The following ELOVL2 variants were observed in gnomAD, a reference collection of about 807,000 sequenced individuals.
The protein encoded by ELOVL2 is ELOVL fatty acid elongase 2.
In ELOVL2, 38 loss-of-function variants were observed where a neutral mutation model predicts 37.7. That is an observed-to-expected ratio of 1.01 (90% CI 0.78 to 1.32). The LOEUF (loss-of-function observed/expected upper bound fraction) is 1.32. Among genes scored for constraint, ELOVL2 ranks in the 40% most tolerant of loss-of-function variants. The pLI, the probability that ELOVL2 is intolerant of heterozygous loss-of-function variation, is 0.00. For synonymous variants in ELOVL2, 115 were observed against 122.3 expected (o/e 0.94, Z 0.40); for missense variants, 352 against 363.6 (o/e 0.97, Z 0.26).
chr6:11,043,471 C>CACACACACACACACA lies in ELOVL2; in HGVS notation c.3+742_3+756dup, dbSNP rs1554114358. The CACACACACACACACA allele has an allele frequency of 7.7e-4, 108 of 140,654 alleles. 2 individuals carry two copies. Among genetic ancestry groups the CACACACACACACACA allele is most frequent in the African/African-American group, 2.2e-3 (78 of 35,914 alleles). The allele number at this position is 140,654 out of a possible 1,614,324, so 8.7% of individuals were successfully genotyped here. On this transcript the variant is annotated intron_variant, in intron 1 of 7. Transcript: ENST00000354666. ...GCAGTTCATCGGACACGGGTGAACA[C>CACACACACACACACA]ACACACACACACACACAGCTTACTG...
chr6:10,983,647 C>A lies in ELOVL2; in HGVS notation c.*134G>T. On this transcript the variant is annotated 3_prime_UTR_variant, in exon 8 of 8. Coordinates refer to ENST00000354666, the MANE Select transcript of ELOVL2 (RefSeq NM_017770.4). ...TTAACCTAATAGCAATATATTAATA[C>A]ATTCTGGGTACAAATGATTTATGAA... The A allele has an allele frequency of 1.0e-6, 1 of 975,530 alleles. No individual in the cohort carries two copies. Among genetic ancestry groups the A allele is most frequent in the Non-Finnish European group, 1.5e-6 (1 of 682,710 alleles). The allele number at this position is 975,530 out of a possible 1,614,324, so 60.4% of individuals were successfully genotyped here. A position where few individuals can be genotyped will look rare whatever the true frequency, so the allele number is the denominator to read the frequency against.
In ELOVL2 at chr6:10,983,637, T is replaced by C. The variant is rs1282183317; in HGVS notation, c.*144A>G. 3 of 892,750 alleles carry C rather than the reference T, an allele frequency of 3.4e-6. No homozygotes were observed. Among genetic ancestry groups the C allele is most frequent in the African/African-American group, 3.4e-5 (2 of 58,582 alleles). 55.3% of individuals were successfully genotyped at this position (892,750 alleles called of 1,614,324 possible). On this transcript the variant is annotated 3_prime_UTR_variant, in exon 8 of 8. Transcript: ENST00000354666. ...AGTTAACAGATTAACCTAATAGCAA[T>C]ATATTAATACATTCTGGGTACAAAT... is the stretch of plus-strand genomic sequence containing the variant.
chr6:11,036,108 G>A (rs747094887), intron 1 of ELOVL2, among the ~76,000 whole-genome samples: 10 of 152,142 alleles, frequency 6.6e-5, no homozygotes, highest in African/African-American at 2.4e-4. Context: ...TGTCTTACAC[G>A]AAGCAAGTAC....
At chr6:10,986,018 T>C (rs1782045408) in intron 7 of ELOVL2, among the ~76,000 whole-genome samples, 1 of 152,218 alleles carries the variant, frequency 6.6e-6, no homozygotes, top group Non-Finnish European at 1.5e-5. Context: ...TCCTTTTTTA[T>C]TTCATTGAGC....
In ELOVL2 at chr6:11,026,500, G is replaced by T. The variant is rs1416064781; in HGVS notation, c.4-15691C>A. ...TTCTGGGCTATAACAGGAGAGGCAA[G>T]CAGACTGTTGCACGTTAATCCTGGA... On this transcript the variant is annotated intron_variant, in intron 1 of 7. Coordinates refer to ENST00000354666, the MANE Select transcript of ELOVL2 (RefSeq NM_017770.4). 2.0e-5 allele frequency among the ~76,000 whole-genome samples: 3 copies of T among 152,134 alleles called. No individual in the cohort carries two copies. In the East Asian group the frequency reaches 5.8e-4, roughly 29 times the overall value.
At chr6:11,008,119 G>A (rs959705670) in intron 2 of ELOVL2, among the ~76,000 whole-genome samples, 2 of 151,960 alleles carry the variant, frequency 1.3e-5, no homozygotes, top group Non-Finnish European at 2.9e-5. Flanking sequence ...AGGTTTATTC[G>A]GTGATGTGCC....
chr6:11,020,173 CCTT>C (rs1227527959), intron 1 of ELOVL2, among the ~76,000 whole-genome samples: 5 of 119,322 alleles, frequency 4.2e-5, no homozygotes, highest in East Asian at 3.9e-4. Context: ...ACAAGTTCCT[CCTT>C]AAGTCTTAAA....
At chr6:11,031,023 T>C (rs1193165047) in intron 1 of ELOVL2, among the ~76,000 whole-genome samples, 1 of 152,228 alleles carries the variant, frequency 6.6e-6, no homozygotes, top group African/African-American at 2.4e-5. Context: ...TTTAAGGATT[T>C]ATATGCACTA....
chr6:11,030,482 C>CT (rs974379366), intron 1 of ELOVL2, among the ~76,000 whole-genome samples: 14 of 151,694 alleles, frequency 9.2e-5, no homozygotes, highest in African/African-American at 2.4e-4. Context: ...TGCTTCAAAT[C>CT]TTTTTTTTGT....
chr6:11,035,064 T>C (rs1320477240), intron 1 of ELOVL2, among the ~76,000 whole-genome samples: 1 of 152,206 alleles, frequency 6.6e-6, no homozygotes, highest in Non-Finnish European at 1.5e-5. Context: ...ACCTAATCTG[T>C]GCTAGGCTCT....
rs1209081941 is a variant in ELOVL2 at position 10,982,428 on chromosome 6, A to AT, written c.*1352_*1353insA. Reference sequence around the variant, plus strand: ...ATTTAAAAAAATAAGGCAGGAGAGAAGATGAAGTGACTTCATCGAAGCTAA... The same window carrying AT: ...ATTTAAAAAAATAAGGCAGGAGAGAATGATGAAGTGACTTCATCGAAGCTAA... On this transcript the variant is annotated 3_prime_UTR_variant, in exon 8 of 8. Coordinates refer to ENST00000354666, the MANE Select transcript of ELOVL2 (RefSeq NM_017770.4). The AT allele has an allele frequency of 2.0e-5, 3 of 152,152 alleles. No individual in the cohort carries two copies. The highest frequency in any genetic ancestry group is 7.2e-5 in the African/African-American group (3 of 41,430). 9.4% of individuals were successfully genotyped at this position (152,152 alleles called of 1,614,324 possible). A position where few individuals can be genotyped will look rare whatever the true frequency, so the allele number is the denominator to read the frequency against.
At chr6:10,990,296 G>T in intron 6 of ELOVL2, 22 bp downstream of exon 6, 1 of 1,606,072 alleles carries the variant, frequency 6.2e-7, no homozygotes, top group South Asian at 1.1e-5. Flanking sequence ...ATGGAGAAAA[G>T]CTAAAAGAAG....
intron 2 of ELOVL2, among the ~76,000 whole-genome samples, chr6:11,007,146 C>T (rs1782494975): frequency 6.6e-6 from 1 of 152,176 alleles, no homozygotes; most frequent in Admixed American, 6.5e-5. Flanking sequence ...AAAAATTGAG[C>T]TGTAGAGGCC....
Position 11,044,197 on chromosome 6 carries a change from G to T in ELOVL2, c.3+31C>A. 1 of 1,453,990 alleles carries T rather than the reference G, an allele frequency of 6.9e-7. No individual in the cohort carries two copies. Among genetic ancestry groups the T allele is most frequent in the Non-Finnish European group, 9.1e-7 (1 of 1,101,830 alleles). The allele number at this position is 1,453,990 out of a possible 1,614,324, so 90.1% of individuals were successfully genotyped here. On this transcript the variant is annotated intron_variant, in intron 1 of 7. Transcript: ENST00000354666. The surrounding 1 kb of genome is among the most constrained non-coding windows in gnomAD (Gnocchi z 5.6). ...GTCCAGGAGAGAAAGAAAGCGCGGC[G>T]GTGTCGGTGGCGGCGCGCGGCCCCA...
intron 1 of ELOVL2, among the ~76,000 whole-genome samples, chr6:11,038,795 A>G (rs1488454371): frequency 1.3e-5 from 2 of 152,212 alleles, no homozygotes; most frequent in African/African-American, 4.8e-5. Flanking sequence ...TGTATTGATG[A>G]AGCAGCTGTA....
intron 4 of ELOVL2, among the ~76,000 whole-genome samples, chr6:10,998,672 G>A (rs959584838): frequency 3.3e-5 from 5 of 152,034 alleles, no homozygotes; most frequent in African/African-American, 9.7e-5. Flanking sequence ...TAGCTGCTTC[G>A]CTTTCTCATA....
rs377214347 is a variant in ELOVL2, at chr6:10,989,756, G to A, written c.712C>T (p.Gln238Ter). The change falls in exon 7 of 8, where the codon CAG becomes TAG. Residue 238 changes from glutamine (Q) to a stop codon, truncating the protein, a stop_gained. Coordinates refer to ENST00000354666, the MANE Select transcript of ELOVL2 (RefSeq NM_017770.4). LOFTEE classifies it high-confidence loss of function. ...ACTAACGTTAGCATATAAGATGACT[G>A]GAAGATGAGACAACCGAAGGGGAAG... Reference protein sequence around the residue: ...CGFPFGCLIFQSSYMLTLVIL... With the variant: ...CGFPFGCLIF The A allele has an allele frequency of 4.3e-6, 7 of 1,614,034 alleles. No homozygotes were observed. The highest frequency in any genetic ancestry group is 1.7e-5 in the Admixed American group (1 of 60,010).
At chr6:10,985,729 C>T (rs1440272116) in intron 7 of ELOVL2, among the ~76,000 whole-genome samples, 2 of 151,916 alleles carry the variant, frequency 1.3e-5, no homozygotes, top group East Asian at 3.9e-4. Context: ...GTAACAGTAC[C>T]ATGCTGTTTT....
chr6:10,985,330 T>TC (rs1782029332), intron 7 of ELOVL2, among the ~76,000 whole-genome samples: 1 of 151,936 alleles, frequency 6.6e-6, no homozygotes, highest in Non-Finnish European at 1.5e-5. Context: ...ACTCTGATGG[T>TC]CGTTTCTTTT....
Sources: allele counts gnomAD v4.1 joint callset (sites outside exome capture counted in the v4.1 genomes callset), GRCh38; gene constraint gnomAD v4.1.1; non-coding constraint Gnocchi (gnomAD v3.1); transcripts MANE v1.5; gene names NCBI Gene and HGNC (gene_info 2026-07-23, HGNC 2026-07-21).